The following RANBP17 variants were observed in gnomAD, a reference collection of about 807,000 sequenced individuals.
RANBP17 encodes the protein ran-binding protein 17.
RANBP17 carries 158 observed loss-of-function variants against 141.2 expected under a neutral mutation model. The ratio of observed to expected loss-of-function variants is 1.12; its 90% CI spans 0.98 to 1.28. RANBP17 has a LOEUF of 1.28. RANBP17 is among the 50% of genes most tolerant of loss of function. RANBP17 has a pLI of 0.00. For missense variants in RANBP17, 1,438 were observed against 1,290.7 expected (o/e 1.11, Z -1.75); for synonymous variants, 430 against 450.0 (o/e 0.96, Z 0.56).
chr5:171,018,622 G>A (rs757500285), intron 14 of RANBP17, among the ~76,000 whole-genome samples: 5 of 152,156 alleles, frequency 3.3e-5, no homozygotes, highest in Non-Finnish European at 5.9e-5. Context: ...GTGAGACTTT[G>A]CTGAAGTTCC....
At chr5:171,147,776 G>A (rs1409546945) in intron 14 of RANBP17, among the ~76,000 whole-genome samples, 1 of 152,134 alleles carries the variant, frequency 6.6e-6, no homozygotes. Flanking sequence ...GGGGGGGTCA[G>A]CCCCCCGCCC....
chr5:170,953,586 T>C lies in RANBP17; in HGVS notation c.1469-11T>C, dbSNP rs770418093. 1.9e-6 allele frequency: 3 copies of C among 1,569,638 alleles called. No individual in the cohort carries two copies. The highest frequency in any genetic ancestry group is 1.2e-5 in the South Asian group (1 of 86,010). Reference sequence around the variant, plus strand: ...ACTTACTAAACTTTTTTCTTCCTTATTCTATATTAGGACGTCTTGCATGGC... The same window carrying C: ...ACTTACTAAACTTTTTTCTTCCTTACTCTATATTAGGACGTCTTGCATGGC... On this transcript the variant is annotated splice_polypyrimidine_tract_variant and intron_variant, in intron 12 of 27. Coordinates refer to ENST00000523189, the MANE Select transcript of RANBP17 (RefSeq NM_022897.5).
chr5:170,878,018 G>C, intron 1 of RANBP17, 79 bp from the exon 2 acceptor site: 2 of 979,446 alleles, frequency 2.0e-6, no homozygotes, highest in South Asian at 4.4e-5. Context: ...TGTGATATTT[G>C]TATCCCTTGT....
At chr5:171,054,741 C>G (rs1783227321) in intron 14 of RANBP17, among the ~76,000 whole-genome samples, 1 of 152,156 alleles carries the variant, frequency 6.6e-6, no homozygotes, top group South Asian at 2.1e-4. Flanking sequence ...AGCCCCTATT[C>G]AAGATGGAAT....
rs1452218144 is a variant in RANBP17, at chr5:171,170,185, AGAC to A, written c.1768_1770del (p.Thr590del). On this transcript the variant is annotated inframe_deletion, in exon 15 of 28. Coordinates refer to ENST00000523189, the MANE Select transcript of RANBP17 (RefSeq NM_022897.5). ...ATAACAGATGACAACCACGTTCTAG[AGAC>A]GTTCATGACAAAAATGTGAGTTCTT... 6.4e-7 allele frequency: 1 copy of A among 1,573,330 alleles called. No homozygotes were observed. The highest frequency in any genetic ancestry group is 8.6e-7 in the Non-Finnish European group (1 of 1,156,838).
intron 14 of RANBP17, among the ~76,000 whole-genome samples, chr5:171,129,522 G>C (rs975185904): frequency 1.3e-5 from 2 of 152,140 alleles, no homozygotes; most frequent in African/African-American, 4.8e-5. Flanking sequence ...CTGTGGGTCA[G>C]GGGAGGTGAC....
intron 14 of RANBP17, among the ~76,000 whole-genome samples, chr5:170,969,152 GATAATA>G (rs138392366): frequency 1.3e-5 from 2 of 151,726 alleles, no homozygotes; most frequent in Admixed American, 6.6e-5. Context: ...AGGATTTTCT[GATAATA>G]ATAATTGTGT....
chr5:171,256,290 A>G (rs1765888272), intron 24 of RANBP17, among the ~76,000 whole-genome samples: 1 of 152,240 alleles, frequency 6.6e-6, no homozygotes, highest in Non-Finnish European at 1.5e-5. Context: ...AAATGGGAGT[A>G]ATACCTACCT....
chr5:170,930,270 T>G (rs1359031730), intron 12 of RANBP17, among the ~76,000 whole-genome samples: 2 of 151,932 alleles, frequency 1.3e-5, no homozygotes, highest in African/African-American at 4.8e-5. Context: ...TTTTTGGACT[T>G]TTCTAATAAA....
At chr5:171,102,481 T>G (rs529852569) in intron 14 of RANBP17, among the ~76,000 whole-genome samples, 34 of 152,268 alleles carry the variant, frequency 2.2e-4, no homozygotes, top group Admixed American at 6.5e-4. Flanking sequence ...GTTATTCTAG[T>G]TAGCAATTCC....
chr5:171,174,751 AGT>A (rs57948503), intron 16 of RANBP17, among the ~76,000 whole-genome samples: 8,296 of 135,612 alleles, frequency 0.061, 281 homozygotes, highest in East Asian at 0.12. Context: ...AAATATCTAG[AGT>A]GTGTGTGTGT....
chr5:170,953,374 G>A (rs1775355499), intron 12 of RANBP17, among the ~76,000 whole-genome samples: 4 of 152,080 alleles, frequency 2.6e-5, no homozygotes. Flanking sequence ...GTAGAGCTGG[G>A]ATTCAAATTA....
At chr5:170,920,997 G>A (rs1317695937) in intron 11 of RANBP17, among the ~76,000 whole-genome samples, 5 of 152,068 alleles carry the variant, frequency 3.3e-5, no homozygotes, top group Non-Finnish European at 7.4e-5. Flanking sequence ...TTAGCCTTTT[G>A]TCAGATGGAT....
At chr5:170,901,353 A>G (rs1040820462) in intron 5 of RANBP17, among the ~76,000 whole-genome samples, 1 of 151,656 alleles carries the variant, frequency 6.6e-6, no homozygotes, top group East Asian at 1.9e-4. Context: ...TTTGCTTTCC[A>G]TTTGCTTGGT....
intron 16 of RANBP17, among the ~76,000 whole-genome samples, chr5:171,182,478 G>C (rs954137005): frequency 6.6e-6 from 1 of 152,192 alleles, no homozygotes; most frequent in African/African-American, 2.4e-5. Context: ...TCTCAGCACT[G>C]TCAATCCATG....
At chr5:171,282,312 TG>T (rs1307412134) in intron 25 of RANBP17, among the ~76,000 whole-genome samples, 5 of 152,154 alleles carry the variant, frequency 3.3e-5, no homozygotes, top group African/African-American at 9.7e-5. Context: ...AGGGAAGTAA[TG>T]TCAGTGCCAT....
chr5:170,956,392 T>C (rs1202377786), intron 13 of RANBP17, among the ~76,000 whole-genome samples: 1 of 152,288 alleles, frequency 6.6e-6, no homozygotes, highest in South Asian at 2.1e-4. Flanking sequence ...TTTTCAACCT[T>C]TAAACTATTT....
chr5:171,054,188 G>T (rs972135758), intron 14 of RANBP17, among the ~76,000 whole-genome samples: 3 of 151,760 alleles, frequency 2.0e-5, no homozygotes, highest in East Asian at 3.9e-4. Flanking sequence ...GGTGTGGTTT[G>T]GTTTTGTTTT....
chr5:170,939,249 T>A (rs1774129736), intron 12 of RANBP17, among the ~76,000 whole-genome samples: 1 of 152,180 alleles, frequency 6.6e-6, no homozygotes, highest in Non-Finnish European at 1.5e-5. Flanking sequence ...AGCCGATCTT[T>A]CATTAAAGGT....
Sources: allele counts gnomAD v4.1 joint callset (sites outside exome capture counted in the v4.1 genomes callset), GRCh38; gene constraint gnomAD v4.1.1; transcripts MANE v1.5; gene names NCBI Gene and HGNC (gene_info 2026-07-23, HGNC 2026-07-21).